PUS10: variants seen among roughly 807,000 people sequenced by gnomAD.
PUS10 encodes the protein tRNA pseudouridine synthase Pus10.
A neutral mutation model predicts 75.0 loss-of-function variants in PUS10; 59 were observed. The observed-to-expected ratio is 0.79, with a 90% CI of 0.64 to 0.98. The LOEUF (loss-of-function observed/expected upper bound fraction) is 0.98, where lower values mean the gene tolerates loss of function less well. Ranked by LOEUF, PUS10 falls within the 50% of genes least tolerant of loss-of-function variation. PUS10 has a pLI of 0.00. For missense variants in PUS10, 650 were observed against 614.4 expected (o/e 1.06, Z -0.61); for synonymous variants, 219 against 211.6 (o/e 1.03, Z -0.30).
intron 2 of PUS10, chr2:61,010,841 G>GT: frequency 4.5e-6 from 7 of 1,550,436 alleles, no homozygotes; most frequent in Non-Finnish European, 6.1e-6. Context: ...TAATAGCTGT[G>GT]TAACTTTGGG....
intron 4 of PUS10, among the ~76,000 whole-genome samples, chr2:60,989,263 A>ATTT (rs2104550165): frequency 1.3e-5 from 2 of 152,306 alleles, no homozygotes; most frequent in African/African-American, 4.8e-5. Context: ...TGTTTGCAAA[A>ATTT]GAGGCAGATT....
At chr2:61,013,347 G>A (rs983306595) in intron 1 of PUS10, among the ~76,000 whole-genome samples, 6 of 152,128 alleles carry the variant, frequency 3.9e-5, no homozygotes, top group Non-Finnish European at 7.4e-5. Context: ...TCCATGGCAG[G>A]TCCTGCCCCA....
intron 4 of PUS10, among the ~76,000 whole-genome samples, chr2:60,993,977 GA>G (rs1678283852): frequency 6.6e-6 from 1 of 152,084 alleles, no homozygotes; most frequent in Non-Finnish European, 1.5e-5. Flanking sequence ...TTTTAGTAGA[GA>G]TGGGGTTTCA....
chr2:60,975,259 G>A (rs565407895), intron 4 of PUS10, among the ~76,000 whole-genome samples: 79 of 152,176 alleles, frequency 5.2e-4, no homozygotes, highest in African/African-American at 1.7e-3. Context: ...CAATCCTCCT[G>A]CCTCTGCCTC....
intron 4 of PUS10, among the ~76,000 whole-genome samples, chr2:61,004,454 C>T (rs955176625): frequency 7.9e-5 from 12 of 151,856 alleles, no homozygotes; most frequent in African/African-American, 2.9e-4. Flanking sequence ...CGGTGAAACC[C>T]CATCTCTACT....
At chr2:61,013,842 T>G (rs761168325) in intron 1 of PUS10, among the ~76,000 whole-genome samples, 3 of 150,342 alleles carry the variant, frequency 2.0e-5, no homozygotes, top group African/African-American at 7.4e-5. Context: ...CTGACCAACA[T>G]GGTGAAACCT....
chr2:60,981,184 C>G (rs1057105179), intron 4 of PUS10, among the ~76,000 whole-genome samples: 2 of 150,820 alleles, frequency 1.3e-5, no homozygotes, highest in African/African-American at 4.9e-5. Context: ...TGAGCCACCA[C>G]GCCAAGCCTA....
intron 1 of PUS10, 128 bp from the exon 2 acceptor site, chr2:61,012,033 C>T (rs771027856): frequency 5.8e-6 from 3 of 521,470 alleles, no homozygotes; most frequent in Non-Finnish European, 9.2e-6. Context: ...TAACCAAGCC[C>T]CTTTCATTAC....
At chr2:60,989,161 T>C (rs1282607533) in intron 4 of PUS10, among the ~76,000 whole-genome samples, 1 of 151,960 alleles carries the variant, frequency 6.6e-6, no homozygotes, top group Non-Finnish European at 1.5e-5. Context: ...AAACAGGAGT[T>C]AAGCAGCACC....
intron 4 of PUS10, among the ~76,000 whole-genome samples, chr2:60,990,272 G>A (rs1189027846): frequency 6.6e-6 from 1 of 152,092 alleles, no homozygotes. Flanking sequence ...TGTTAATAGT[G>A]GATCAACCCT....
chr2:60,983,162 G>C (rs1464810530), intron 4 of PUS10, among the ~76,000 whole-genome samples: 1 of 151,696 alleles, frequency 6.6e-6, no homozygotes, highest in Non-Finnish European at 1.5e-5. Flanking sequence ...CAAAGTGCTG[G>C]GATTACAGGC....
chr2:60,949,050 A>G (rs1675172846), intron 15 of PUS10, among the ~76,000 whole-genome samples: 1 of 152,218 alleles, frequency 6.6e-6, no homozygotes, highest in African/African-American at 2.4e-5. Context: ...TTCTCCACCA[A>G]GAAGAAAAGA....
chr2:60,950,117 G>T lies in PUS10; in HGVS notation c.1309-1932C>A, dbSNP rs570506658. Among the ~76,000 whole-genome samples the T allele has an allele frequency of 2.6e-5, 4 of 152,270 alleles. No homozygotes were observed. In the East Asian group the frequency reaches 7.7e-4, roughly 29 times the overall value. On this transcript the variant is annotated intron_variant, in intron 15 of 17. Transcript: ENST00000316752. ...CCATCCAAAGAACCTTACATAGTAT[G>T]GCCAAAAGCCAAAGGGTCTTAGCTA...
At chr2:60,945,580 AG>A (rs1674895264) in intron 16 of PUS10, among the ~76,000 whole-genome samples, 1 of 152,206 alleles carries the variant, frequency 6.6e-6, no homozygotes, top group African/African-American at 2.4e-5. Context: ...CAGAGGCAAT[AG>A]GGTGGAAGGA....
chr2:60,964,564 G>A (rs1346207256), intron 8 of PUS10, among the ~76,000 whole-genome samples: 1 of 152,180 alleles, frequency 6.6e-6, no homozygotes, highest in Non-Finnish European at 1.5e-5. Flanking sequence ...GAATAAAAAT[G>A]CCCTTTTTGC....
At position 60,949,237 on chromosome 2, in the gene PUS10, CA is replaced by C. The variant is rs201002606; in HGVS notation, c.1309-1053del. On this transcript the variant is annotated intron_variant, in intron 15 of 17. Coordinates refer to ENST00000316752, the MANE Select transcript of PUS10 (RefSeq NM_144709.4). ...TCTGATTTTTCTCTGGTCAAAGAGA[CA>C]AAAAAAAAATACATAAATAAAGGAT... Among the ~76,000 whole-genome samples the C allele has an allele frequency of 2.4e-3, 343 of 143,328 alleles. 3 individuals carry two copies. Among genetic ancestry groups the C allele is most frequent in the African/African-American group, 7.3e-3 (287 of 39,064 alleles). The allele number at this position is 143,328 out of a possible 152,430, so 94.0% of individuals were successfully genotyped here.
At chr2:60,998,312 A>C (rs1385158570) in intron 4 of PUS10, among the ~76,000 whole-genome samples, 1 of 152,204 alleles carries the variant, frequency 6.6e-6, no homozygotes, top group Non-Finnish European at 1.5e-5. Flanking sequence ...ATTCTGAATG[A>C]GATCAATAAT....
chr2:60,988,024 G>A (rs1214916182), intron 4 of PUS10, among the ~76,000 whole-genome samples: 5 of 151,764 alleles, frequency 3.3e-5, no homozygotes, highest in Non-Finnish European at 5.9e-5. Flanking sequence ...GGGAGGAGGA[G>A]GGTGCAGTGA....
chr2:60,977,721 A>G (rs7608910), intron 4 of PUS10, among the ~76,000 whole-genome samples: 55,234 of 152,058 alleles, frequency 0.36, 10,557 homozygotes, highest in Middle Eastern at 0.45. Flanking sequence ...TCTGGCTCTT[A>G]TAGACATCTG....
Sources: gnomAD v4.1 joint callset for allele counts (sites outside exome capture counted in the v4.1 genomes callset) on GRCh38, gnomAD v4.1.1 for gene constraint, MANE v1.5 for transcripts, NCBI Gene and HGNC (gene_info 2026-07-23, HGNC 2026-07-21) for gene names.